Variants in ZNF695 observed in about 807,000 individuals in gnomAD.
ZNF695 encodes the protein zinc finger protein SBZF3.
Under a neutral mutation model 11.2 loss-of-function variants are expected in ZNF695, and 11 were observed. That is an observed-to-expected ratio of 0.98 (90% CI 0.62 to 1.62). The LOEUF is 1.62. Ranked by LOEUF, ZNF695 falls within the 40% of genes most tolerant of loss-of-function variation. The pLI, the probability that ZNF695 is intolerant of heterozygous loss-of-function variation, is 0.00. For synonymous variants in ZNF695, 190 were observed against 201.4 expected (o/e 0.94, Z 0.48); for missense variants, 559 against 590.5 (o/e 0.95, Z 0.55).
At chr1:246,963,607 CA>C (rs1425139999) in intron 5 of ZNF695, among the ~76,000 whole-genome samples, 1 of 152,152 alleles carries the variant, frequency 6.6e-6, no homozygotes, top group Non-Finnish European at 1.5e-5. Flanking sequence ...CTGGCAGTGC[CA>C]GAGCAGGTGC....
At position 246,987,461 on chromosome 1, in the gene ZNF695, A is replaced by ACG. The variant is rs749173468; in HGVS notation, c.1053_1054insCG (p.Phe352ArgfsTer17). On this transcript the variant is annotated frameshift_variant, in exon 4 of 4. Transcript: ENST00000339986. LOFTEE classifies it low-confidence loss of function (END_TRUNC). ...GCTTTTCCACATTCTTCACATCGGA[A>ACG]GGTTTTCTCTCCAGTATGAATTCTT... The ACG allele has an allele frequency of 6.2e-7, 1 of 1,611,602 alleles. No individual in the cohort carries two copies. Among genetic ancestry groups the ACG allele is most frequent in the Non-Finnish European group, 8.5e-7 (1 of 1,178,604 alleles).
chr1:246,950,429 C>T (rs917109524), intron 5 of ZNF695, among the ~76,000 whole-genome samples: 9 of 152,148 alleles, frequency 5.9e-5, no homozygotes, highest in African/African-American at 9.7e-5. Context: ...GTGGGCGGAT[C>T]ACCTGAGGTC....
rs373721221 is a variant in ZNF695 at position 246,988,108 on chromosome 1, C to T, written c.407G>A (p.Gly136Glu). 128 of 1,613,624 alleles carry T rather than the reference C, an allele frequency of 7.9e-5. 1 individual carries two copies. The highest frequency in any genetic ancestry group is 1.7e-4 in the Admixed American group (10 of 59,962). ...AAGTCCATTATAACTTGCCTTCTGC[C>T]CTTTCCACTCACCCACAATTTCCCA... ...NDWEIVGEWKGQKASYNGLDL... is the reference protein window; with the variant it reads ...NDWEIVGEWKEQKASYNGLDL... Residue 136 changes from glycine (G) to glutamate (E), a missense_variant, in exon 4 of 4, where the codon GGG becomes GAG. Transcript: ENST00000339986.
intron 5 of ZNF695, among the ~76,000 whole-genome samples, chr1:246,955,341 GGTAA>G (rs1221909484): frequency 1.7e-4 from 26 of 152,220 alleles, no homozygotes; most frequent in African/African-American, 4.8e-5. Context: ...ATCACACAAT[GGTAA>G]GTATTTGTGA....
rs148167881 is a variant in ZNF695, at chr1:246,973,795, T to C, written c.391-6003A>G. Reference sequence around the variant, plus strand: ...AATCACATAATGATGAATGATGGAATTGGGATTCAAATCCAGGTCTGATGG... The same window carrying C: ...AATCACATAATGATGAATGATGGAACTGGGATTCAAATCCAGGTCTGATGG... On this transcript the variant is annotated intron_variant, in intron 4 of 5. Coordinates refer to the ZNF695 transcript ENST00000487338. Among the ~76,000 whole-genome samples the C allele has an allele frequency of 2.2e-3, 332 of 152,312 alleles. 1 individual carries two copies. Among genetic ancestry groups the C allele is most frequent in the African/African-American group, 7.4e-3 (309 of 41,564 alleles).
chr1:246,987,856 G>A lies in ZNF695; in HGVS notation c.659C>T (p.Ala220Val). The A allele has an allele frequency of 2.5e-6, 4 of 1,609,696 alleles. No homozygotes were observed. Among genetic ancestry groups the A allele is most frequent in the Non-Finnish European group, 3.4e-6 (4 of 1,178,852 alleles). The change falls in exon 4 of 4, where the codon GCC (alanine) becomes GTC (valine). Residue 220 changes from alanine (A) to valine (V), a missense_variant. By Grantham distance (64) the Ala-to-Val change is moderately conservative. Coordinates refer to ENST00000339986, the MANE Select transcript of ZNF695 (RefSeq NM_020394.5). ...AGTAAAGCATGAGCACTCATTAAAG[G>A]CTTTGCCACATTTTTTACATTGGTA... The part of the protein sequence containing the change: ...NPYQCKKCGK[A>V]FNECSCFTDC...
chr1:246,987,969 T>A lies in ZNF695; in HGVS notation c.546A>T (p.Lys182Asn). Residue 182 changes from lysine (K) to asparagine (N), a missense_variant, in exon 4 of 4, where the codon AAA becomes AAT. Transcript: ENST00000339986. ...NKCKISHTGE[K>N]PFKCKECGNV... ...TGCCACATTCTTTGCATTTGAATGGTTTTTCTCCAGTATGGCTTATCTTAC... is the reference window on the plus strand; with the variant it reads ...TGCCACATTCTTTGCATTTGAATGGATTTTCTCCAGTATGGCTTATCTTAC... The A allele has an allele frequency of 6.2e-7, 1 of 1,608,664 alleles. No individual in the cohort carries two copies. The highest frequency in any genetic ancestry group is 8.5e-7 in the Non-Finnish European group (1 of 1,178,288).
intron 1 of ZNF695, among the ~76,000 whole-genome samples, chr1:247,006,590 C>A (rs1669548376): frequency 6.6e-6 from 1 of 152,058 alleles, no homozygotes; most frequent in African/African-American, 2.4e-5. Flanking sequence ...AGCTTACCTG[C>A]CATTGGGCAA....
chr1:247,000,272 C>T (rs1246156402), intron 1 of ZNF695, among the ~76,000 whole-genome samples, 198 bp from the exon 2 acceptor site: 4 of 152,198 alleles, frequency 2.6e-5, no homozygotes, highest in South Asian at 4.2e-4. Flanking sequence ...TTTGGGAGGC[C>T]GAGGCAGGCG....
intron 4 of ZNF695, among the ~76,000 whole-genome samples, chr1:246,978,378 C>T (rs1313466324): frequency 6.6e-6 from 1 of 152,178 alleles, no homozygotes; most frequent in Non-Finnish European, 1.5e-5. Context: ...AATATTCAAT[C>T]CCATAATCAA....
intron 5 of ZNF695, among the ~76,000 whole-genome samples, chr1:246,966,240 G>C (rs533721082): frequency 4.9e-4 from 74 of 152,250 alleles, no homozygotes; most frequent in African/African-American, 1.3e-3. Flanking sequence ...TATAATCTCA[G>C]CACATTGGGA....
In ZNF695 at chr1:246,987,150, C is replaced by T; in HGVS notation, c.1365G>A (p.Lys455=). 6.2e-7 allele frequency: 1 copy of T among 1,613,682 alleles called. No individual in the cohort carries two copies. The highest frequency in any genetic ancestry group is 8.5e-7 in the Non-Finnish European group (1 of 1,179,922). Residue 455 remains lysine (K), a synonymous_variant, in exon 4 of 4, where the codon AAG becomes AAA. Coordinates refer to ENST00000339986, the MANE Select transcript of ZNF695 (RefSeq NM_020394.5). ...FNWFSYLTNH[K]RIHTGEKPYK... is the part of the protein sequence containing the mutation. The stretch of plus-strand genomic sequence containing the variant: ...AGGGTTTCTCTCCAGTATGAATTCT[C>T]TTATGATTAGTAAGATATGAAAACC...
intron 4 of ZNF695, among the ~76,000 whole-genome samples, chr1:246,973,331 G>T (rs1292821842): frequency 6.6e-6 from 1 of 152,212 alleles, no homozygotes; most frequent in Non-Finnish European, 1.5e-5. Context: ...TTACAGGCAT[G>T]AGCCACCGTG....
At chr1:247,006,373 G>A (rs1011909714) in intron 1 of ZNF695, among the ~76,000 whole-genome samples, 4 of 152,162 alleles carry the variant, frequency 2.6e-5, no homozygotes, top group Non-Finnish European at 5.9e-5. Flanking sequence ...AGCACTTTGG[G>A]AGGCTGAGGC....
chr1:246,992,433 T>A (rs1249246824), intron 3 of ZNF695, among the ~76,000 whole-genome samples: 1 of 151,870 alleles, frequency 6.6e-6, no homozygotes, highest in Non-Finnish European at 1.5e-5. Context: ...GAGGTGGGGA[T>A]GGTTAATGGG....
Position 246,986,494 on chromosome 1 carries a change from G to T in ZNF695, c.*473C>A. On this transcript the variant is annotated 3_prime_UTR_variant, in exon 4 of 4. Coordinates refer to ENST00000339986, the MANE Select transcript of ZNF695 (RefSeq NM_020394.5). ...TTTACAGTAATGTCTGAAAGTGTCA[G>T]TGACTTAGTGCTTTTTACTATGAAT... The T allele has an allele frequency of 3.0e-6, 3 of 987,506 alleles. No individual in the cohort carries two copies. The South Asian group carries it at 1.4e-4, about 46-fold the overall frequency. 61.2% of individuals were successfully genotyped at this position (987,506 alleles called of 1,614,324 possible). A position where few individuals can be genotyped will look rare whatever the true frequency, so the allele number is the denominator to read the frequency against.
chr1:246,980,178 T>TAAA (rs71566679), intron 4 of ZNF695, among the ~76,000 whole-genome samples: 10 of 88,776 alleles, frequency 1.1e-4, no homozygotes, highest in African/African-American at 4.8e-4. Flanking sequence ...ACTCTGTATT[T>TAAA]AAAAAAAAAA....
intron 5 of ZNF695, among the ~76,000 whole-genome samples, chr1:246,949,499 G>A (rs969108515): frequency 3.3e-5 from 5 of 151,852 alleles, no homozygotes; most frequent in Non-Finnish European, 7.4e-5. Context: ...GCTGAGGCAG[G>A]AGACTCGCTT....
intron 4 of ZNF695, among the ~76,000 whole-genome samples, chr1:246,976,650 C>A (rs575930695): frequency 0.014 from 2,126 of 151,320 alleles, 26 homozygotes; most frequent in Non-Finnish European, 0.022. Flanking sequence ...AAAAATTAGC[C>A]AGGCATGGTG....
Sources: gnomAD v4.1 joint callset for allele counts (sites outside exome capture counted in the v4.1 genomes callset) on GRCh38, gnomAD v4.1.1 for gene constraint, MANE v1.5 for transcripts, NCBI Gene and HGNC (gene_info 2026-07-23, HGNC 2026-07-21) for gene names.